CDKL5: variants seen among roughly 807,000 people sequenced by gnomAD.
CDKL5 encodes cyclin dependent kinase like 5, also known as cyclin-dependent kinase-like 5.
A neutral mutation model predicts 61.7 loss-of-function variants in CDKL5; 8 were observed. The observed-to-expected ratio is 0.13, with a 90% CI of 0.08 to 0.23. The LOEUF is 0.23. Ranked by LOEUF, CDKL5 falls within the 10% of genes least tolerant of loss-of-function variation. The pLI is 1.00. For missense variants in CDKL5, 440 were observed against 734.5 expected (o/e 0.60, Z 4.63); for synonymous variants, 275 against 272.3 (o/e 1.01, Z -0.10).
intron 1 of CDKL5, among the ~76,000 whole-genome samples, chrX:18,473,326 T>C (rs1921172653): frequency 9.0e-6 from 1 of 111,258 alleles, no homozygotes; most frequent in Non-Finnish European, 1.9e-5. Context: ...TACATGAACC[T>C]CTTAGATGTA....
In CDKL5 at chrX:18,473,425, G is replaced by C. The variant is rs768967301; in HGVS notation, c.-162-33510G>C. On this transcript the variant is annotated intron_variant, in intron 1 of 17. Transcript: ENST00000623535. ...TATTTTTTTTTTCCAGTAGGTGCTC[G>C]TCACCCAGGTAAACACTACATTTTC... is the stretch of plus-strand genomic sequence containing the variant. 4.6e-5 allele frequency among the ~76,000 whole-genome samples: 5 copies of C among 109,884 alleles called. No individual in the cohort carries two copies. In the Admixed American group the frequency reaches 4.9e-4, roughly 11 times the overall value.
chrX:18,644,970 G>A (rs922877119), downstream of CDKL5, among the ~76,000 whole-genome samples: 3 of 112,106 alleles, frequency 2.7e-5, no homozygotes, highest in Non-Finnish European at 3.8e-5. Context: ...TAGACCACCA[G>A]CCCCTGCCCT....
chrX:18,628,343 C>T (rs1293581795), intron 17 of CDKL5, 28 bp from the exon 18 acceptor site: 2 of 1,203,679 alleles, frequency 1.7e-6, no homozygotes, highest in Non-Finnish European at 2.3e-6. Context: ...AACTTGAATC[C>T]TGTGTGCATT....
chrX:18,594,944 A>T (rs1298303455), intron 9 of CDKL5, among the ~76,000 whole-genome samples: 1 of 111,913 alleles, frequency 8.9e-6, no homozygotes, highest in African/African-American at 3.3e-5. Flanking sequence ...GCACTTTGGG[A>T]GGCTGAGGCG....
At chrX:18,451,461 G>A (rs1024139332) in intron 1 of CDKL5, among the ~76,000 whole-genome samples, 8 of 112,211 alleles carry the variant, frequency 7.1e-5, no homozygotes, top group Non-Finnish European at 1.1e-4. Context: ...AAAGTGCTGG[G>A]TTTATAGGCG....
Position 18,426,063 on chromosome X carries a change from C to T in CDKL5, c.-163+368C>T, listed in dbSNP as rs778882813. The stretch of plus-strand genomic sequence containing the variant: ...CGCCGCTCCCGCGGCACGAGCTCCC[C>T]GGGGCTTGCGGCGAGGTAAGCCCCT... On this transcript the variant is annotated intron_variant, in intron 1 of 17. Transcript: ENST00000623535. 5.3e-5 allele frequency: 6 copies of T among 112,466 alleles called. No homozygotes were observed. In the East Asian group the frequency reaches 1.7e-3, roughly 33 times the overall value. 9.3% of individuals were successfully genotyped at this position (112,466 alleles called of 1,213,427 possible).
chrX:18,497,912 G>A (rs938406636), intron 1 of CDKL5, among the ~76,000 whole-genome samples: 1 of 108,310 alleles, frequency 9.2e-6, no homozygotes, highest in African/African-American at 3.4e-5. Flanking sequence ...TGATCACCTA[G>A]GCTCAAGGAA....
At chrX:18,442,152 T>G in intron 1 of CDKL5, 1 of 111,496 alleles carries the variant, frequency 9.0e-6, no homozygotes, top group Non-Finnish European at 1.9e-5. Flanking sequence ...CAGGCTTAGC[T>G]GCTGCCCACC....
intron 1 of CDKL5, among the ~76,000 whole-genome samples, chrX:18,430,939 G>A (rs1269181624): frequency 1.9e-5 from 2 of 107,400 alleles, no homozygotes; most frequent in African/African-American, 6.8e-5. Flanking sequence ...TCGGCTCGCC[G>A]CAACCTCCGC....
chrX:18,510,791 C>T (rs752513906), intron 2 of CDKL5, 29 bp from the exon 3 acceptor site: 1 of 1,165,848 alleles, frequency 8.6e-7, no homozygotes, highest in South Asian at 1.8e-5. Flanking sequence ...GTATGCGTGC[C>T]CTTGATTGTT....
chrX:18,505,416 C>T (rs147058688), intron 1 of CDKL5, among the ~76,000 whole-genome samples: 190 of 112,006 alleles, frequency 1.7e-3, no homozygotes, highest in Non-Finnish European at 2.5e-3. Context: ...TTCTTCATAG[C>T]GAAAAAAGAA....
At chrX:18,551,559 C>CATT (rs10659381) in intron 3 of CDKL5, among the ~76,000 whole-genome samples, 25,653 of 80,712 alleles carry the variant, frequency 0.32, 3,756 homozygotes, top group Non-Finnish European at 0.35. Flanking sequence ...GATACCTTGA[C>CATT]ATTATTATTA....
intron 1 of CDKL5, among the ~76,000 whole-genome samples, chrX:18,438,789 CAAAAAA>C (rs1196032367): frequency 3.4e-5 from 1 of 29,450 alleles, no homozygotes; most frequent in Non-Finnish European, 6.5e-5. Context: ...ACCTCCGTCT[CAAAAAA>C]AAAAAAAAAA....
At chrX:18,495,223 A>C (rs1270633791) in intron 1 of CDKL5, among the ~76,000 whole-genome samples, 1 of 112,431 alleles carries the variant, frequency 8.9e-6, no homozygotes, top group African/African-American at 3.2e-5. Context: ...TCATGATTCA[A>C]CTGATTTTGT....
intron 3 of CDKL5, among the ~76,000 whole-genome samples, chrX:18,559,623 T>C (rs1177991430): frequency 9.1e-6 from 1 of 109,968 alleles, no homozygotes; most frequent in Non-Finnish European, 1.9e-5. Flanking sequence ...CTTTTCTTTT[T>C]TTTTTTTTTT....
intron 1 of CDKL5, among the ~76,000 whole-genome samples, chrX:18,490,652 C>T (rs1921963935): frequency 9.0e-6 from 1 of 111,249 alleles, no homozygotes; most frequent in Non-Finnish European, 1.9e-5. Flanking sequence ...TCTATCTTTT[C>T]TTTTTTAAAT....
intron 3 of CDKL5, among the ~76,000 whole-genome samples, chrX:18,551,496 C>T (rs77650436): frequency 0.045 from 4,810 of 107,569 alleles, 194 homozygotes; most frequent in East Asian, 0.19. Flanking sequence ...CTCACATTTG[C>T]GGCACTCAAA....
intron 3 of CDKL5, among the ~76,000 whole-genome samples, chrX:18,559,069 A>G (rs914780467): frequency 4.4e-5 from 5 of 112,564 alleles, no homozygotes; most frequent in Non-Finnish European, 9.4e-5. Flanking sequence ...GCCAACCCCA[A>G]TGAGAAGGAT....
At chrX:18,653,385 G>T in intron 21 of CDKL5, 1 of 1,199,643 alleles carries the variant, frequency 8.3e-7, no homozygotes, top group Non-Finnish European at 1.1e-6. Flanking sequence ...ACCTGCTAGC[G>T]CTCCTGGCAG....
Sources: gnomAD v4.1 joint callset for allele counts (sites outside exome capture counted in the v4.1 genomes callset) on GRCh38, gnomAD v4.1.1 for gene constraint, MANE v1.5 for transcripts, NCBI Gene and HGNC (gene_info 2026-07-23, HGNC 2026-07-21) for gene names.